SPON2: variants seen among roughly 807,000 people sequenced by gnomAD.
SPON2 encodes the protein spondin-2.
A neutral mutation model predicts 29.9 loss-of-function variants in SPON2; 32 were observed. That is an observed-to-expected ratio of 1.07 (90% CI 0.81 to 1.44). The LOEUF (loss-of-function observed/expected upper bound fraction) is 1.44. Among genes scored for constraint, SPON2 ranks in the 40% most tolerant of loss-of-function variants. The pLI is 0.00. For missense variants in SPON2, 541 were observed against 455.5 expected (o/e 1.19, Z -1.71); for synonymous variants, 248 against 209.1 (o/e 1.19, Z -1.61).
At chr4:1,176,762 CACAGTACATTCATTCAATCATCCATTCAT>C, upstream of SPON2, among the ~76,000 whole-genome samples, 1 of 151,058 alleles carries the variant, frequency 6.6e-6, no homozygotes. Context: ...AATTCACTCA[CACAGTACATTCATTCAATCATCCATTCAT>C]ACAGTACATT....
At chr4:1,188,474 C>T (rs1727846354) in intron 1 of SPON2, among the ~76,000 whole-genome samples, 1 of 152,164 alleles carries the variant, frequency 6.6e-6, no homozygotes, top group Non-Finnish European at 1.5e-5. Flanking sequence ...TTCAAAGACA[C>T]TCTGAAGTAA....
At chr4:1,168,655 C>T (rs1330647701) in intron 5 of SPON2, among the ~76,000 whole-genome samples, 2 of 152,242 alleles carry the variant, frequency 1.3e-5, no homozygotes, top group Non-Finnish European at 2.9e-5. Flanking sequence ...CAGATCCCAG[C>T]ACCCCCCAGC....
chr4:1,177,005 A>G, upstream of SPON2, among the ~76,000 whole-genome samples: 1 of 152,196 alleles, frequency 6.6e-6, no homozygotes, highest in Admixed American at 6.5e-5. Context: ...GAGTGGATAC[A>G]TTTTGTAGAT....
intron 1 of SPON2, among the ~76,000 whole-genome samples, chr4:1,188,433 C>G (rs1442623903): frequency 6.6e-6 from 1 of 152,082 alleles, no homozygotes; most frequent in Non-Finnish European, 1.5e-5. Context: ...GATAGAAGGG[C>G]TGACTTTTAA....
At chr4:1,199,888 T>G (rs1576999007), upstream of SPON2, 1 of 150,904 alleles carries the variant, frequency 6.6e-6, no homozygotes, top group Non-Finnish European at 1.5e-5. This position sits in a 1 kb window ranked among gnomAD's most constrained non-coding sequence, Gnocchi z 4.5. Flanking sequence ...AAGGTGGGGG[T>G]GGGCATGAGA....
chr4:1,173,460 G>A (rs1338336301), upstream of SPON2, among the ~76,000 whole-genome samples: 1 of 152,204 alleles, frequency 6.6e-6, no homozygotes, highest in Non-Finnish European at 1.5e-5. Context: ...GCGGTGCAGA[G>A]CCCTCCCAGG....
At chr4:1,195,171 C>T (rs1326782133), upstream of SPON2, 1 of 152,278 alleles carries the variant, frequency 6.6e-6, no homozygotes, top group African/African-American at 2.4e-5. Context: ...CAGGCAGCTC[C>T]TCCTCCTGGG....
intron 1 of SPON2, among the ~76,000 whole-genome samples, chr4:1,190,423 T>G (rs1044050372): frequency 1.3e-5 from 2 of 152,352 alleles, no homozygotes; most frequent in African/African-American, 4.8e-5. Context: ...TAGGGAACAC[T>G]TCCTCACTCA....
rs898942219 is a variant in SPON2, at chr4:1,202,145, C to A, written c.-234+5735G>T. On this transcript the variant is annotated intron_variant, in intron 1 of 3. Transcript: ENST00000509233. The surrounding 1 kb of genome is among the most constrained non-coding windows in gnomAD (Gnocchi z 5.4). ...GAGGCCACAACAGAACATCAGACAGCAGTTTATCAACAGAGACTTCCTGCC... is the reference window on the plus strand; with the variant it reads ...GAGGCCACAACAGAACATCAGACAGAAGTTTATCAACAGAGACTTCCTGCC... Among the ~76,000 whole-genome samples the A allele has an allele frequency of 2.0e-4, 31 of 152,320 alleles. No individual in the cohort carries two copies. Among genetic ancestry groups the A allele is most frequent in the African/African-American group, 7.5e-4 (31 of 41,576 alleles).
At chr4:1,178,798 G>A (rs1727653301) in intron 2 of SPON2, among the ~76,000 whole-genome samples, 1 of 152,082 alleles carries the variant, frequency 6.6e-6, no homozygotes, top group African/African-American at 2.4e-5. Flanking sequence ...GAGGAGGGTT[G>A]AAGAGAGACT....
chr4:1,204,043 TG>T (rs1173186096), intron 1 of SPON2, among the ~76,000 whole-genome samples: 2 of 152,008 alleles, frequency 1.3e-5, no homozygotes, highest in African/African-American at 2.4e-5. Context: ...GGCTAATTGT[TG>T]TATTTTTAGT....
chr4:1,189,883 C>T (rs183295560), intron 1 of SPON2, among the ~76,000 whole-genome samples: 6 of 150,296 alleles, frequency 4.0e-5, no homozygotes, highest in South Asian at 2.1e-4. Flanking sequence ...CAGCTACCCA[C>T]GAGGCTGAGG....
At chr4:1,206,770 A>G (rs1180380257) in intron 1 of SPON2, among the ~76,000 whole-genome samples, 1 of 151,700 alleles carries the variant, frequency 6.6e-6, no homozygotes, top group African/African-American at 2.4e-5. Flanking sequence ...GCAGCAGAGA[A>G]CAAACCCCAG....
intron 1 of SPON2, among the ~76,000 whole-genome samples, chr4:1,203,309 C>T (rs969831665): frequency 3.9e-5 from 6 of 152,188 alleles, no homozygotes; most frequent in East Asian, 3.9e-4. Flanking sequence ...TCTGTGTCAC[C>T]GTGGACCTGC....
At chr4:1,172,860 CTCCCCTCCCTG>C (rs1317202992), upstream of SPON2, 2 of 130,230 alleles carry the variant, frequency 1.5e-5, no homozygotes, top group East Asian at 4.8e-4. Context: ...TATCCCTCCC[CTCCCCTCCCTG>C]TCCCCTCCCT....
At chr4:1,207,395 G>T (rs1294551087) in intron 1 of SPON2, among the ~76,000 whole-genome samples, 1 of 152,186 alleles carries the variant, frequency 6.6e-6, no homozygotes, top group Admixed American at 6.5e-5. Flanking sequence ...CAGGGACCTG[G>T]ATAGTGAGTG....
intron 1 of SPON2, among the ~76,000 whole-genome samples, chr4:1,205,379 C>T (rs73188275): frequency 0.042 from 6,347 of 152,298 alleles, 197 homozygotes; most frequent in Non-Finnish European, 0.056. Context: ...GGAGCAGCTG[C>T]ACCCAGGGGC....
At chr4:1,205,548 G>C (rs902268508) in intron 1 of SPON2, among the ~76,000 whole-genome samples, 1 of 151,776 alleles carries the variant, frequency 6.6e-6, no homozygotes, top group South Asian at 2.1e-4. Flanking sequence ...CTGGCCTCCC[G>C]CAATCCTGTC....
At chr4:1,174,486 C>CAAAAAAAAAAAAAAAAAAAAAAAA (rs59532169), upstream of SPON2, among the ~76,000 whole-genome samples, 7 of 94,294 alleles carry the variant, frequency 7.4e-5, no homozygotes, top group African/African-American at 1.8e-4. Flanking sequence ...GACTCCATCT[C>CAAAAAAAAAAAAAAAAAAAAAAAA]AAAAAAAAAA....
Sources: gnomAD v4.1 joint callset for allele counts (sites outside exome capture counted in the v4.1 genomes callset) on GRCh38, gnomAD v4.1.1 for gene constraint, Gnocchi (gnomAD v3.1) non-coding constraint, MANE v1.5 for transcripts, NCBI Gene and HGNC (gene_info 2026-07-23, HGNC 2026-07-21) for gene names.